The following CBX5 variants were observed in gnomAD, a reference collection of about 807,000 sequenced individuals.
The protein encoded by CBX5 is chromobox protein homolog 5.
Under a neutral mutation model 20.7 loss-of-function variants are expected in CBX5, and 7 were observed. The ratio of observed to expected loss-of-function variants is 0.34; its 90% CI spans 0.19 to 0.63. CBX5 has a LOEUF of 0.63. Ranked by LOEUF, CBX5 falls within the 30% of genes least tolerant of loss-of-function variation. The pLI is 0.75. For synonymous variants in CBX5, 78 were observed against 77.0 expected (o/e 1.01, Z -0.07); for missense variants, 110 against 224.1 (o/e 0.49, Z 3.25).
intron 1 of CBX5, chr12:54,274,422 T>C (rs1205293370): frequency 6.6e-6 from 1 of 152,218 alleles, no homozygotes; most frequent in African/African-American, 2.4e-5. Flanking sequence ...GAATAGCAGA[T>C]ATGTAAACAG....
chr12:54,245,991 G>GA, intron 4 of CBX5, 124 bp downstream of exon 4: 1 of 719,850 alleles, frequency 1.4e-6, no homozygotes, highest in South Asian at 1.6e-5. Flanking sequence ...CTCAAAAAAA[G>GA]AAAGATCTCT....
chr12:54,279,924 C>T (rs1944119488), intron 1 of CBX5, 84 bp downstream of exon 1: 1 of 152,618 alleles, frequency 6.6e-6, no homozygotes, highest in South Asian at 2.1e-4. Flanking sequence ...CCCACCCCGC[C>T]GTCCATTCAT....
At chr12:54,276,678 C>G (rs543585373) in intron 1 of CBX5, 1 of 152,248 alleles carries the variant, frequency 6.6e-6, no homozygotes, top group East Asian at 1.9e-4. Flanking sequence ...CCCCAAAACC[C>G]TGGGTCTATA....
intron 2 of CBX5, among the ~76,000 whole-genome samples, chr12:54,255,258 C>T (rs1338187707): frequency 6.6e-6 from 1 of 152,118 alleles, no homozygotes; most frequent in Non-Finnish European, 1.5e-5. Flanking sequence ...GAGACCCTGT[C>T]TCTATTTTGA....
chr12:54,243,067 T>C (rs1943694924), intron 4 of CBX5, among the ~76,000 whole-genome samples: 2 of 152,062 alleles, frequency 1.3e-5, no homozygotes, highest in Admixed American at 6.5e-5. Flanking sequence ...GAGGTTGCAG[T>C]GAGCTGAGAT....
intron 1 of CBX5, among the ~76,000 whole-genome samples, chr12:54,270,580 A>G (rs1287406266): frequency 1.3e-5 from 2 of 152,190 alleles, no homozygotes; most frequent in Non-Finnish European, 2.9e-5. Flanking sequence ...GCCTCATTCT[A>G]AAAGTTTTGA....
chr12:54,273,669 CAG>C (rs1427843304), intron 1 of CBX5: 4 of 152,144 alleles, frequency 2.6e-5, no homozygotes, highest in African/African-American at 9.7e-5. Context: ...GAAAACAGAA[CAG>C]AGAGATATGC....
chr12:54,271,334 T>C (rs1944007521), intron 1 of CBX5, among the ~76,000 whole-genome samples: 1 of 152,210 alleles, frequency 6.6e-6, no homozygotes, highest in Non-Finnish European at 1.5e-5. Context: ...CCTTTTTCTT[T>C]TCTTTTTTTG....
chr12:54,252,149 C>A lies in CBX5; in HGVS notation c.216G>T (p.Lys72Asn), dbSNP rs1291248090. ...GTTTATTATTTTCACCCTCCTTCAT[C>A]TTCTTATACTTTTTCATAAATTCAG... is the stretch of plus-strand genomic sequence containing the variant. Reference protein sequence around the residue: ...LISEFMKKYKKMKEGENNKPR... With the variant: ...LISEFMKKYKNMKEGENNKPR... Residue 72 changes from lysine (K) to asparagine (N), a missense_variant, in exon 3 of 5, where the codon AAG (lysine) becomes AAT (asparagine). Coordinates refer to ENST00000209875, the MANE Select transcript of CBX5 (RefSeq NM_012117.3). The A allele has an allele frequency of 6.2e-7, 1 of 1,610,298 alleles. No homozygotes were observed. Among genetic ancestry groups the A allele is most frequent in the Non-Finnish European group, 8.5e-7 (1 of 1,178,932 alleles).
intron 4 of CBX5, among the ~76,000 whole-genome samples, chr12:54,245,744 C>A (rs963430428): frequency 6.6e-6 from 1 of 151,680 alleles, no homozygotes; most frequent in Admixed American, 6.6e-5. Flanking sequence ...AAGCCGAGAT[C>A]GCACCATTGC....
intron 4 of CBX5, 28 bp from the exon 5 acceptor site, chr12:54,241,933 A>C: frequency 6.2e-7 from 1 of 1,603,796 alleles, no homozygotes; most frequent in African/African-American, 1.3e-5. Context: ...GAGACTTAAA[A>C]GGAGAGGAAG....
At position 54,272,417 on chromosome 12, in the gene CBX5, A is replaced by C. The variant is rs1565875002; in HGVS notation, c.-43+7591T>G. 9 of 152,182 alleles carry C rather than the reference A, an allele frequency of 5.9e-5. No individual in the cohort carries two copies. The South Asian group carries it at 1.9e-3, about 31-fold the overall frequency. The allele number at this position is 152,182 out of a possible 1,614,324, so 9.4% of individuals were successfully genotyped here. On this transcript the variant is annotated intron_variant, in intron 1 of 4. Transcript: ENST00000209875. Reference sequence around the variant, plus strand: ...GTCTGAAGAGTAAGACTGCAAGTGAAAATTTTTACTCTATGACCTAGTTTC... The same window carrying C: ...GTCTGAAGAGTAAGACTGCAAGTGACAATTTTTACTCTATGACCTAGTTTC...
rs1408918993 is a variant in CBX5 at position 54,236,927 on chromosome 12, T to C, written c.*4828A>G. On this transcript the variant is annotated 3_prime_UTR_variant, in exon 5 of 5. Transcript: ENST00000209875. ...AAACCTTCCCCAATGCCCTGTGGTT[T>C]GGCCTGAACATAGGGAAAATGGACT... 2.0e-5 allele frequency: 3 copies of C among 152,182 alleles called. No homozygotes were observed. Among genetic ancestry groups the C allele is most frequent in the African/African-American group, 7.2e-5 (3 of 41,448 alleles). 9.4% of individuals were successfully genotyped at this position (152,182 alleles called of 1,614,324 possible).
intron 1 of CBX5, chr12:54,272,092 C>G (rs1944015915): frequency 6.6e-6 from 1 of 152,184 alleles, no homozygotes; most frequent in Admixed American, 6.5e-5. Flanking sequence ...TTAAGATTTC[C>G]CAGCCTGTTA....
At position 54,239,124 on chromosome 12, in the gene CBX5, G is replaced by C. The variant is rs1294484927; in HGVS notation, c.*2631C>G. 6.6e-6 allele frequency: 1 copy of C among 152,200 alleles called. No individual in the cohort carries two copies. Among genetic ancestry groups the C allele is most frequent in the African/African-American group, 2.4e-5 (1 of 41,446 alleles). 9.4% of individuals were successfully genotyped at this position (152,200 alleles called of 1,614,324 possible). A position where few individuals can be genotyped will look rare whatever the true frequency, so the allele number is the denominator to read the frequency against. ...AACCAGCTGCAGGTAGGCAGGAAGA[G>C]AACAAAAGTTGTTTTGGCGGCACTC... is the stretch of plus-strand genomic sequence containing the variant. On this transcript the variant is annotated 3_prime_UTR_variant, in exon 5 of 5. Coordinates refer to ENST00000209875, the MANE Select transcript of CBX5 (RefSeq NM_012117.3).
intron 1 of CBX5, among the ~76,000 whole-genome samples, chr12:54,260,786 A>G (rs1943909351): frequency 6.6e-6 from 1 of 152,196 alleles, no homozygotes; most frequent in Non-Finnish European, 1.5e-5. Context: ...TTCTGGCTCT[A>G]AAGAACATTT....
chr12:54,270,568 T>C lies in CBX5; in HGVS notation c.-43+9440A>G, dbSNP rs578016191. ...GTTTACAGGAATCAGTCACAGCACC[T>C]AGCCTCATTCTAAAAGTTTTGATAT... On this transcript the variant is annotated intron_variant, in intron 1 of 4. Transcript: ENST00000209875. 4.0e-3 allele frequency among the ~76,000 whole-genome samples: 607 copies of C among 152,354 alleles called. 3 individuals are homozygous for C. The highest frequency in any genetic ancestry group is 6.3e-3 in the Non-Finnish European group (427 of 68,026).
At chr12:54,264,758 G>A (rs1283926842) in intron 1 of CBX5, among the ~76,000 whole-genome samples, 1 of 151,970 alleles carries the variant, frequency 6.6e-6, no homozygotes, top group African/African-American at 2.4e-5. Context: ...TAGGAGAATC[G>A]CTTGAATCTG....
chr12:54,248,345 G>A (rs1346869077), intron 3 of CBX5, among the ~76,000 whole-genome samples: 1 of 152,122 alleles, frequency 6.6e-6, no homozygotes, highest in Non-Finnish European at 1.5e-5. Flanking sequence ...CCTCTCTAGT[G>A]GCAACACACA....
Sources: gnomAD v4.1 joint callset for allele counts (sites outside exome capture counted in the v4.1 genomes callset) on GRCh38, gnomAD v4.1.1 for gene constraint, MANE v1.5 for transcripts, NCBI Gene and HGNC (gene_info 2026-07-23, HGNC 2026-07-21) for gene names.